Variants in TEC observed in about 807,000 individuals in gnomAD.
TEC encodes tec protein tyrosine kinase.
TEC carries 72 observed loss-of-function variants against 93.0 expected under a neutral mutation model. That is an observed-to-expected ratio of 0.77 (90% CI 0.64 to 0.94). The LOEUF (loss-of-function observed/expected upper bound fraction) is 0.94. Ranked by LOEUF, TEC falls within the 40% of genes least tolerant of loss-of-function variation. The probability of loss-of-function intolerance (pLI) is 0.00; values close to 1 mark genes in which losing one functional copy is unlikely to be tolerated. For synonymous variants in TEC, 249 were observed against 247.7 expected (o/e 1.01, Z -0.05); for missense variants, 630 against 757.9 (o/e 0.83, Z 1.98).
At position 48,136,651 on chromosome 4, in the gene TEC, G is replaced by C; in HGVS notation, c.*765C>G. 1 of 152,102 alleles carries C rather than the reference G, an allele frequency of 6.6e-6. No homozygotes were observed. The highest frequency in any genetic ancestry group is 1.5e-5 in the Non-Finnish European group (1 of 68,020). The allele number at this position is 152,102 out of a possible 1,614,324, so 9.4% of individuals were successfully genotyped here. A position where few individuals can be genotyped will look rare whatever the true frequency, so the allele number is the denominator to read the frequency against. The stretch of plus-strand genomic sequence containing the variant: ...ACATTTACCTGAGTGAGGAGGGGGC[G>C]TTACTCATAGAAGAATCTAGACTTT... On this transcript the variant is annotated 3_prime_UTR_variant, in exon 18 of 18. Transcript: ENST00000381501.
chr4:48,169,377 TAA>T (rs547712523), intron 5 of TEC, among the ~76,000 whole-genome samples: 1 of 148,008 alleles, frequency 6.8e-6, no homozygotes, highest in East Asian at 1.9e-4. Context: ...CTTAAGACAT[TAA>T]AAAAAAAATA....
chr4:48,186,808 G>A (rs1301846410), intron 2 of TEC, among the ~76,000 whole-genome samples: 2 of 150,278 alleles, frequency 1.3e-5, no homozygotes, highest in African/African-American at 4.9e-5. Context: ...ATCTGGGAGG[G>A]AGGTTGGGGG....
At position 48,145,239 on chromosome 4, in the gene TEC, G is replaced by A; in HGVS notation, c.1310C>T (p.Pro437Leu). The A allele has an allele frequency of 3.1e-6, 5 of 1,614,104 alleles. No homozygotes were observed. The highest frequency in any genetic ancestry group is 4.2e-6 in the Non-Finnish European group (5 of 1,180,022). Residue 437 changes from proline to leucine, a missense_variant, in exon 14 of 18, where the codon CCA (proline) becomes CTA (leucine). This residue lies in a region of TEC where 289 missense variants were observed against 390.0 expected (regional missense o/e 0.74). Transcript: ENST00000381501. Reference protein sequence around the residue: ...QLYGVCTQQKPIYIVTEFMER... With the variant: ...QLYGVCTQQKLIYIVTEFMER... ...CATGAACTCAGTAACAATGTATATTGGTTTCTGCTGGGTGCACACACCATA... is the reference window on the plus strand; with the variant it reads ...CATGAACTCAGTAACAATGTATATTAGTTTCTGCTGGGTGCACACACCATA...
intron 15 of TEC, among the ~76,000 whole-genome samples, chr4:48,140,738 C>A (rs981071740): frequency 1.3e-5 from 2 of 151,906 alleles, no homozygotes; most frequent in Non-Finnish European, 1.5e-5. Flanking sequence ...TTTTTTTCAT[C>A]CATTTAAAAA....
intron 2 of TEC, among the ~76,000 whole-genome samples, chr4:48,194,650 G>A (rs1394820221): frequency 1.3e-5 from 2 of 152,146 alleles, no homozygotes; most frequent in Non-Finnish European, 2.9e-5. Context: ...TGAGAGTTGG[G>A]GGGAGTGAGG....
chr4:48,226,831 C>A (rs1218306060), intron 2 of TEC, among the ~76,000 whole-genome samples: 1 of 152,132 alleles, frequency 6.6e-6, no homozygotes, highest in Non-Finnish European at 1.5e-5. Context: ...TACCATACAG[C>A]AAAAATGTGT....
At chr4:48,211,509 C>CA (rs1042529172) in intron 2 of TEC, among the ~76,000 whole-genome samples, 45 of 152,280 alleles carry the variant, frequency 3.0e-4, no homozygotes, top group African/African-American at 9.9e-4. Flanking sequence ...TATTGTACTA[C>CA]AATCAGTCCT....
At position 48,170,280 on chromosome 4, in the gene TEC, G is replaced by T; in HGVS notation, c.422C>A (p.Pro141His). ...AAAAAGATTGTATTTTTCACATCCG[G>T]GTGCTAATTTTTCAGTTTGTCTACA... ...QCCRQTEKLAPGCEKYNLFES... is the reference protein window; with the variant it reads ...QCCRQTEKLAHGCEKYNLFES... The change falls in exon 5 of 18, where the codon CCC becomes CAC. Residue 141 changes from proline to histidine, a missense_variant. Physicochemically the swap from Pro to His is moderately conservative, Grantham distance 77. Transcript: ENST00000381501. 1 of 1,593,780 alleles carries T rather than the reference G, an allele frequency of 6.3e-7. No homozygotes were observed. Among genetic ancestry groups the T allele is most frequent in the Non-Finnish European group, 8.6e-7 (1 of 1,163,474 alleles).
At chr4:48,187,562 TC>T (rs1199334892) in intron 2 of TEC, among the ~76,000 whole-genome samples, 1 of 152,160 alleles carries the variant, frequency 6.6e-6, no homozygotes, top group East Asian at 1.9e-4. Context: ...TATTTAAAAT[TC>T]AAGTGTTGTT....
At chr4:48,151,901 C>G (rs570182513) in intron 9 of TEC, among the ~76,000 whole-genome samples, 2 of 152,310 alleles carry the variant, frequency 1.3e-5, no homozygotes, top group East Asian at 3.9e-4. Flanking sequence ...AGCTTCCAAA[C>G]TGAAAAGCAA....
At chr4:48,176,560 A>T (rs905546709) in intron 2 of TEC, among the ~76,000 whole-genome samples, 1 of 152,046 alleles carries the variant, frequency 6.6e-6, no homozygotes, top group African/African-American at 2.4e-5. Flanking sequence ...CATCTCTATT[A>T]AAAATACAAA....
chr4:48,144,890 T>C (rs1471320546), intron 14 of TEC, among the ~76,000 whole-genome samples, 189 bp downstream of exon 14: 1 of 152,198 alleles, frequency 6.6e-6, no homozygotes, highest in Non-Finnish European at 1.5e-5. Flanking sequence ...ATTAACTAAG[T>C]AAATCATTAG....
intron 2 of TEC, among the ~76,000 whole-genome samples, chr4:48,227,007 T>G (rs374549087): frequency 1.3e-5 from 2 of 152,158 alleles, no homozygotes; most frequent in Admixed American, 1.3e-4. Flanking sequence ...CTAGGGCAGC[T>G]CCACATAATT....
chr4:48,224,105 G>A (rs1723358500), intron 2 of TEC, among the ~76,000 whole-genome samples: 1 of 152,060 alleles, frequency 6.6e-6, no homozygotes, highest in African/African-American at 2.4e-5. Flanking sequence ...TGAGTCCTGT[G>A]AGCTGTCATA....
intron 2 of TEC, among the ~76,000 whole-genome samples, chr4:48,185,959 C>T (rs1721819645): frequency 6.6e-6 from 1 of 152,096 alleles, no homozygotes; most frequent in Non-Finnish European, 1.5e-5. Flanking sequence ...ACCTCCCTGC[C>T]AGATTCTCCT....
intron 3 of TEC, among the ~76,000 whole-genome samples, chr4:48,175,793 T>G (rs992430484): frequency 6.6e-6 from 1 of 152,236 alleles, no homozygotes; most frequent in African/African-American, 2.4e-5. Flanking sequence ...ATTATTTTTT[T>G]CATCACAAGC....
chr4:48,141,593 G>GA, intron 14 of TEC, 174 bp from the exon 15 acceptor site: 1 of 516,104 alleles, frequency 1.9e-6, no homozygotes, highest in Non-Finnish European at 3.3e-6. Flanking sequence ...TTGTGTATTT[G>GA]AAAAAAATGA....
chr4:48,154,457 A>C (rs1262666638), intron 9 of TEC, among the ~76,000 whole-genome samples: 1 of 152,204 alleles, frequency 6.6e-6, no homozygotes, highest in Non-Finnish European at 1.5e-5. Flanking sequence ...GAATTACAAT[A>C]GTAGTTAGTG....
intron 2 of TEC, among the ~76,000 whole-genome samples, chr4:48,203,910 T>C (rs975442578): frequency 5.3e-5 from 8 of 152,146 alleles, no homozygotes; most frequent in Non-Finnish European, 1.0e-4. Flanking sequence ...TGAGTATCCA[T>C]GGGAATCTGT....
Sources: allele counts gnomAD v4.1 joint callset (sites outside exome capture counted in the v4.1 genomes callset), GRCh38; gene constraint gnomAD v4.1.1; regional missense constraint gnomAD v4.1.1; transcripts MANE v1.5; gene names NCBI Gene and HGNC (gene_info 2026-07-23, HGNC 2026-07-21).